The following SPOCK1 variants were observed in gnomAD, a reference collection of about 807,000 sequenced individuals.
The protein encoded by SPOCK1 is SPARC (osteonectin), cwcv and kazal like domains proteoglycan 1.
SPOCK1 carries 23 observed loss-of-function variants against 55.3 expected under a neutral mutation model. The ratio of observed to expected loss-of-function variants is 0.42; its 90% CI spans 0.30 to 0.59. The LOEUF (loss-of-function observed/expected upper bound fraction) is 0.59, where lower values mean the gene tolerates loss of function less well. Among genes scored for constraint, SPOCK1 ranks in the 20% least tolerant of loss-of-function variants. The pLI is 0.22. For missense variants in SPOCK1, 499 were observed against 552.5 expected (o/e 0.90, Z 0.97); for synonymous variants, 226 against 221.0 (o/e 1.02, Z -0.20).
At chr5:137,117,011 TG>T (rs1255813022) in intron 4 of SPOCK1, among the ~76,000 whole-genome samples, 1 of 152,174 alleles carries the variant, frequency 6.6e-6, no homozygotes, top group Admixed American at 6.5e-5. Flanking sequence ...CACTTCTGGT[TG>T]GGTTCTCTGA....
At chr5:137,078,853 G>A (rs769529503) in intron 5 of SPOCK1, among the ~76,000 whole-genome samples, 37 of 152,224 alleles carry the variant, frequency 2.4e-4, no homozygotes, top group Admixed American at 1.0e-3. Context: ...ATGTGTTTGT[G>A]ACACCCTACC....
intron 2 of SPOCK1, among the ~76,000 whole-genome samples, chr5:137,312,981 C>G (rs1388337730): frequency 6.6e-6 from 1 of 152,176 alleles, no homozygotes; most frequent in African/African-American, 2.4e-5. Flanking sequence ...TTCCTACTGG[C>G]AGGTAAACAT....
chr5:136,986,684 G>A (rs565759843), intron 8 of SPOCK1, among the ~76,000 whole-genome samples: 8 of 152,068 alleles, frequency 5.3e-5, no homozygotes, highest in African/African-American at 1.9e-4. Context: ...ACCAGGGAGG[G>A]AATATAGTGC....
chr5:136,994,023 C>T (rs1002209227), intron 6 of SPOCK1, among the ~76,000 whole-genome samples: 6 of 152,212 alleles, frequency 3.9e-5, no homozygotes, highest in Middle Eastern at 3.4e-3. Context: ...GATGGAGAAC[C>T]GAGCTTCCCA....
chr5:137,235,867 C>T (rs1336246772), intron 3 of SPOCK1, among the ~76,000 whole-genome samples: 2 of 152,212 alleles, frequency 1.3e-5, no homozygotes, highest in African/African-American at 4.8e-5. Flanking sequence ...ATGTTAATGT[C>T]TGTGGGGGGT....
intron 2 of SPOCK1, among the ~76,000 whole-genome samples, chr5:137,333,754 C>T (rs1561507597): frequency 6.6e-6 from 1 of 152,206 alleles, no homozygotes; most frequent in African/African-American, 2.4e-5. Context: ...CGAGAATTTA[C>T]ATTTCTCAGG....
chr5:137,364,901 A>G (rs1751023776), intron 2 of SPOCK1: 1 of 152,210 alleles, frequency 6.6e-6, no homozygotes, highest in African/African-American at 2.4e-5. Context: ...AAGAGGTGCT[A>G]TTAGGATCAG....
chr5:137,491,676 GA>G (rs1329391493), intron 2 of SPOCK1, among the ~76,000 whole-genome samples: 1 of 152,194 alleles, frequency 6.6e-6, no homozygotes, highest in Admixed American at 6.5e-5. Flanking sequence ...GTGACCCTGA[GA>G]ATTTCCACCT....
chr5:137,113,040 A>AAG (rs1189187527), intron 4 of SPOCK1, among the ~76,000 whole-genome samples: 3 of 152,152 alleles, frequency 2.0e-5, no homozygotes, highest in Non-Finnish European at 2.9e-5. Flanking sequence ...ACACAACTGA[A>AAG]AGACTTTATC....
chr5:137,007,454 AC>A (rs1580704627), intron 6 of SPOCK1, among the ~76,000 whole-genome samples: 1 of 152,218 alleles, frequency 6.6e-6, no homozygotes, highest in Non-Finnish European at 1.5e-5. Flanking sequence ...TGAGAAAAAA[AC>A]AACCCCATTA....
chr5:137,148,329 C>T (rs1754245071), intron 3 of SPOCK1, among the ~76,000 whole-genome samples: 1 of 152,224 alleles, frequency 6.6e-6, no homozygotes, highest in Non-Finnish European at 1.5e-5. Flanking sequence ...TGGTAATTTA[C>T]ATGTCCTGAT....
chr5:137,051,123 T>C (rs1752199354), intron 6 of SPOCK1, among the ~76,000 whole-genome samples: 1 of 152,236 alleles, frequency 6.6e-6, no homozygotes, highest in Middle Eastern at 3.2e-3. Flanking sequence ...ACTTGTTAGG[T>C]GAAAAATGAA....
intron 2 of SPOCK1, among the ~76,000 whole-genome samples, chr5:137,451,275 T>C (rs1260308700): frequency 6.6e-6 from 1 of 152,148 alleles, no homozygotes; most frequent in East Asian, 1.9e-4. Context: ...CCATCTCTGC[T>C]TACCCCCAAA....
At chr5:137,448,883 A>G (rs1419646039) in intron 2 of SPOCK1, among the ~76,000 whole-genome samples, 2 of 152,190 alleles carry the variant, frequency 1.3e-5, no homozygotes, top group African/African-American at 2.4e-5. Context: ...GGGCCCTATC[A>G]GAAAAGCCCT....
At chr5:137,261,488 A>C (rs1454280975) in intron 3 of SPOCK1, among the ~76,000 whole-genome samples, 2 of 152,228 alleles carry the variant, frequency 1.3e-5, no homozygotes, top group Non-Finnish European at 2.9e-5. Flanking sequence ...GGATCTTGGT[A>C]TAATAGACTG....
rs1750651106 is a variant in SPOCK1, at chr5:136,978,108, G to GAT, written c.*544_*545dup. 1 of 396,268 alleles carries GAT rather than the reference G, an allele frequency of 2.5e-6. No homozygotes were observed. The highest frequency in any genetic ancestry group is 4.4e-6 in the Non-Finnish European group (1 of 224,792). 24.5% of individuals were successfully genotyped at this position (396,268 alleles called of 1,614,324 possible). On this transcript the variant is annotated 3_prime_UTR_variant, in exon 11 of 11. Transcript: ENST00000394945. Reference sequence around the variant, plus strand: ...TAAGGCTGTTGTTTATAGGAAGCCAGATATAATGATGTGAAAAAAACTAAT... The same window carrying GAT: ...TAAGGCTGTTGTTTATAGGAAGCCAGATATATAATGATGTGAAAAAAACTAAT...
chr5:136,984,689 A>T (rs1212648453), intron 9 of SPOCK1, among the ~76,000 whole-genome samples: 1 of 152,232 alleles, frequency 6.6e-6, no homozygotes, highest in Non-Finnish European at 1.5e-5. Flanking sequence ...GCTTAAGCAC[A>T]TACATGTCGT....
At chr5:137,481,741 A>G (rs1257167358) in intron 2 of SPOCK1, among the ~76,000 whole-genome samples, 1 of 152,208 alleles carries the variant, frequency 6.6e-6, no homozygotes, top group Non-Finnish European at 1.5e-5. Flanking sequence ...GGTCTGTGTG[A>G]GCACCTCAAA....
At chr5:137,234,932 C>A (rs1756147014) in intron 3 of SPOCK1, among the ~76,000 whole-genome samples, 1 of 152,198 alleles carries the variant, frequency 6.6e-6, no homozygotes, top group Admixed American at 6.5e-5. Flanking sequence ...ACAACACTGA[C>A]ATTAAAGGGT....
Sources: allele counts gnomAD v4.1 joint callset (sites outside exome capture counted in the v4.1 genomes callset), GRCh38; gene constraint gnomAD v4.1.1; transcripts MANE v1.5; gene names NCBI Gene and HGNC (gene_info 2026-07-23, HGNC 2026-07-21).